FBN1: variants seen among roughly 807,000 people sequenced by gnomAD.
The protein encoded by FBN1 is fibrillin 1.
FBN1 carries 29 observed loss-of-function variants against 365.1 expected under a neutral mutation model. The observed-to-expected ratio is 0.08, with a 90% CI of 0.06 to 0.11. FBN1 has a LOEUF of 0.11. Ranked by LOEUF, FBN1 falls within the 10% of genes least tolerant of loss-of-function variation. The pLI is 1.00. For synonymous variants in FBN1, 1,210 were observed against 1,270.5 expected (o/e 0.95, Z 1.01); for missense variants, 2,476 against 3,703.2 (o/e 0.67, Z 8.60).
chr15:48,465,444 C>T (rs2043312824), intron 40 of FBN1, 124 bp downstream of exon 40: 1 of 1,085,194 alleles, frequency 9.2e-7, no homozygotes, highest in South Asian at 1.3e-5. Context: ...ATCTACCTGG[C>T]TATGTTCGTG....
chr15:48,625,259 G>A (rs144839282), intron 2 of FBN1, among the ~76,000 whole-genome samples: 67 of 152,292 alleles, frequency 4.4e-4, no homozygotes, highest in African/African-American at 1.4e-3. Flanking sequence ...TCTCTCAGCT[G>A]CATTATCAGC....
intron 29 of FBN1, 90 bp downstream of exon 29, chr15:48,486,985 T>C: frequency 9.5e-7 from 1 of 1,054,184 alleles, no homozygotes; most frequent in Non-Finnish European, 1.2e-6. Context: ...TAGGGAGAGA[T>C]GAAATAAAAT....
chr15:48,562,476 C>G (rs2044230129), intron 6 of FBN1, among the ~76,000 whole-genome samples: 2 of 152,184 alleles, frequency 1.3e-5, no homozygotes, highest in Non-Finnish European at 2.9e-5. Flanking sequence ...AATGGAATAC[C>G]CTTTTGTGCA....
rs1461888132 is a variant in FBN1, at chr15:48,526,095, C to T, written c.988+35G>A. On this transcript the variant is annotated intron_variant, in intron 9 of 65. Coordinates refer to ENST00000316623, the MANE Select transcript of FBN1 (RefSeq NM_000138.5). ...AGTTGTTTGTTATGGAACTGACTTA[C>T]ACAAACCATGCATGCTGTTTGTCAT... 4.3e-6 allele frequency: 7 copies of T among 1,613,170 alleles called. No homozygotes were observed. In the South Asian group the frequency reaches 6.6e-5, roughly 15 times the overall value.
intron 10 of FBN1, among the ~76,000 whole-genome samples, chr15:48,516,908 G>A (rs1164190571): frequency 2.6e-5 from 4 of 152,252 alleles, no homozygotes; most frequent in Admixed American, 6.5e-5. Flanking sequence ...TGATTGAATC[G>A]GACAGAAGTG....
At chr15:48,552,908 T>A (rs1004446191) in intron 6 of FBN1, among the ~76,000 whole-genome samples, 2 of 152,186 alleles carry the variant, frequency 1.3e-5, no homozygotes, top group African/African-American at 4.8e-5. Context: ...TATTCCTTCC[T>A]AAGCTCATAT....
chr15:48,576,366 C>T (rs749767682), intron 6 of FBN1, among the ~76,000 whole-genome samples: 4 of 152,116 alleles, frequency 2.6e-5, no homozygotes, highest in Non-Finnish European at 2.9e-5. Context: ...CTTGACCTCT[C>T]AGCCTGATTA....
rs919423974 is a variant in FBN1, at chr15:48,448,897, T to G, written c.5546-4A>C. 19 of 1,609,670 alleles carry G rather than the reference T, an allele frequency of 1.2e-5. No individual in the cohort carries two copies. The highest frequency in any genetic ancestry group is 1.6e-5 in the Non-Finnish European group (19 of 1,176,592). ...ATTTCTTGACATTCATTACGATCTG[T>G]AAATAAGAAGCATCTTAAGTGAGAA... On this transcript the variant is annotated splice_region_variant and splice_polypyrimidine_tract_variant and intron_variant, in intron 45 of 65. Transcript: ENST00000316623.
At chr15:48,488,763 T>C (rs2043531405) in intron 25 of FBN1, among the ~76,000 whole-genome samples, 1 of 152,330 alleles carries the variant, frequency 6.6e-6, no homozygotes, top group South Asian at 2.1e-4. Flanking sequence ...GCCTGACACA[T>C]AGTGAATATT....
At position 48,622,283 on chromosome 15, in the gene FBN1, G is replaced by T. The variant is rs150022457; in HGVS notation, c.165-9191C>A. 4.3e-3 allele frequency among the ~76,000 whole-genome samples: 655 copies of T among 152,214 alleles called. 12 individuals are homozygous for T. The highest frequency in any genetic ancestry group is 0.031 in the Admixed American group (467 of 15,294). On this transcript the variant is annotated intron_variant, in intron 2 of 65. Coordinates refer to ENST00000316623, the MANE Select transcript of FBN1 (RefSeq NM_000138.5). ...CTAGGAACACAGGCACATACACAAA[G>T]ATTATCTACACAACAGACAAAGCAC...
At chr15:48,453,213 G>A (rs1174004544) in intron 44 of FBN1, among the ~76,000 whole-genome samples, 1 of 149,432 alleles carries the variant, frequency 6.7e-6, no homozygotes, top group African/African-American at 2.5e-5. Flanking sequence ...CCAAGATCAT[G>A]CCATTGCATT....
chr15:48,444,764 G>T, intron 48 of FBN1, 104 bp from the exon 49 acceptor site: 1 of 1,246,718 alleles, frequency 8.0e-7, no homozygotes, highest in Non-Finnish European at 1.2e-6. Context: ...AATACATAAA[G>T]CAAATTAAAG....
At chr15:48,589,595 C>T (rs1008194168) in intron 6 of FBN1, among the ~76,000 whole-genome samples, 10 of 150,240 alleles carry the variant, frequency 6.7e-5, no homozygotes, top group Admixed American at 1.3e-4. Context: ...CTGCTATCTA[C>T]ACATTGTTAC....
chr15:48,513,423 A>C, intron 13 of FBN1, 126 bp downstream of exon 13: 1 of 1,393,560 alleles, frequency 7.2e-7, no homozygotes, highest in Non-Finnish European at 1.0e-6. Context: ...AACTAAGTTC[A>C]AAAAAGCCAC....
At chr15:48,551,960 G>A (rs1220539484) in intron 6 of FBN1, among the ~76,000 whole-genome samples, 2 of 152,172 alleles carry the variant, frequency 1.3e-5, no homozygotes, top group African/African-American at 2.4e-5. Context: ...GTGCTGCAAT[G>A]AGCATACACA....
At chr15:48,520,268 GAA>G (rs1422990267) in intron 10 of FBN1, among the ~76,000 whole-genome samples, 3 of 152,048 alleles carry the variant, frequency 2.0e-5, no homozygotes, top group East Asian at 1.9e-4. Context: ...TAGCAGGAAG[GAA>G]AGAGTCCAAT....
chr15:48,505,008 C>T lies in FBN1; in HGVS notation c.1960+17G>A, dbSNP rs749990136. 1.2e-6 allele frequency: 2 copies of T among 1,613,992 alleles called. No homozygotes were observed. Among genetic ancestry groups the T allele is most frequent in the Admixed American group, 3.3e-5 (2 of 60,022 alleles). ...GGCTGAACCTCTCTCATAAGGTTAG[C>T]CATGATGTTTTCTTACCAACACACA... On this transcript the variant is annotated intron_variant, in intron 16 of 65. Transcript: ENST00000316623.
At chr15:48,605,400 G>C (rs2044599460) in intron 4 of FBN1, among the ~76,000 whole-genome samples, 1 of 152,168 alleles carries the variant, frequency 6.6e-6, no homozygotes, top group Non-Finnish European at 1.5e-5. Flanking sequence ...TGATAAGTTA[G>C]ACTTACTCAA....
At chr15:48,460,193 G>T in intron 43 of FBN1, 53 bp downstream of exon 43, 1 of 1,317,674 alleles carries the variant, frequency 7.6e-7, no homozygotes, top group Non-Finnish European at 1.1e-6. Flanking sequence ...AAAAAATAAT[G>T]CTAACACAAA....
Sources: allele counts gnomAD v4.1 joint callset (sites outside exome capture counted in the v4.1 genomes callset), GRCh38; gene constraint gnomAD v4.1.1; transcripts MANE v1.5; gene names NCBI Gene and HGNC (gene_info 2026-07-23, HGNC 2026-07-21).